The following ABI3BP variants were observed in gnomAD, a reference collection of about 807,000 sequenced individuals.
The protein encoded by ABI3BP is target of Nesh-SH3.
In ABI3BP, 216 loss-of-function variants were observed where a neutral mutation model predicts 268.6. The ratio of observed to expected loss-of-function variants is 0.80; its 90% CI spans 0.72 to 0.90. The LOEUF (loss-of-function observed/expected upper bound fraction) is 0.90, where lower values mean the gene tolerates loss of function less well. Among genes scored for constraint, ABI3BP ranks in the 40% least tolerant of loss-of-function variants. ABI3BP has a pLI of 0.00. For missense variants in ABI3BP, 2,090 were observed against 2,182.4 expected, an observed-to-expected ratio of 0.96 and a Z score of 0.84; for synonymous variants, 730 against 730.0, an observed-to-expected ratio of 1.00 and a Z score of 0.00.
chr3:100,990,568 A>C lies in ABI3BP; in HGVS notation c.79+2738T>G, dbSNP rs988825625. ...TTCTTATAAATAACTATATATGGTT[A>C]TATATATATAATTTTGTATATATAA... On this transcript the variant is annotated intron_variant, in intron 1 of 67. Transcript: ENST00000471714. Among the ~76,000 whole-genome samples, 3 of 148,520 alleles carry C rather than the reference A, an allele frequency of 2.0e-5. No individual in the cohort carries two copies. The Admixed American group carries it at 2.0e-4, about 10-fold the overall frequency.
Position 100,789,533 on chromosome 3 carries a change from C to T in ABI3BP, c.4025-17G>A. On this transcript the variant is annotated splice_polypyrimidine_tract_variant and intron_variant, in intron 55 of 67. Transcript: ENST00000471714. ...TGTGTGGCGCTGAAACAGAGGAACA[C>T]TTTATATTTAATAACCAACAGACCA... 2 of 1,577,246 alleles carry T rather than the reference C, an allele frequency of 1.3e-6. No individual in the cohort carries two copies. Among genetic ancestry groups the T allele is most frequent in the Non-Finnish European group, 1.7e-6 (2 of 1,159,850 alleles).
chr3:100,825,258 T>A (rs2098354246), intron 35 of ABI3BP, among the ~76,000 whole-genome samples: 1 of 151,956 alleles, frequency 6.6e-6, no homozygotes, highest in African/African-American at 2.4e-5. Flanking sequence ...GAAGTTAGAG[T>A]CACATTAAGG....
chr3:100,913,906 C>G (rs1490904852), intron 2 of ABI3BP, among the ~76,000 whole-genome samples: 1 of 152,150 alleles, frequency 6.6e-6, no homozygotes, highest in Non-Finnish European at 1.5e-5. Context: ...TACCTCTAAA[C>G]ATGGAAACAT....
At chr3:100,871,974 C>T (rs1430616663) in intron 9 of ABI3BP, among the ~76,000 whole-genome samples, 4 of 152,142 alleles carry the variant, frequency 2.6e-5, no homozygotes, top group South Asian at 2.1e-4. Context: ...GTAGTTAGGA[C>T]TACAGGCATG....
At chr3:100,856,539 A>G (rs73864016) in intron 14 of ABI3BP, among the ~76,000 whole-genome samples, 3,600 of 152,352 alleles carry the variant, frequency 0.024, 142 homozygotes, top group African/African-American at 0.082. Context: ...AAGTAACAGT[A>G]AAGTTGGAGC....
chr3:100,807,262 T>C (rs1431174032), intron 50 of ABI3BP, among the ~76,000 whole-genome samples: 1 of 151,970 alleles, frequency 6.6e-6, no homozygotes, highest in Non-Finnish European at 1.5e-5. Context: ...TCTTAAAACT[T>C]TGATGTTTTT....
intron 4 of ABI3BP, among the ~76,000 whole-genome samples, chr3:100,896,710 A>T (rs1024751402): frequency 5.9e-5 from 9 of 152,076 alleles, no homozygotes; most frequent in African/African-American, 1.9e-4. Flanking sequence ...CAGCATTAGT[A>T]CCCCAGACCA....
chr3:100,935,963 C>T (rs1204005955), intron 1 of ABI3BP, among the ~76,000 whole-genome samples: 2 of 151,938 alleles, frequency 1.3e-5, no homozygotes, highest in Non-Finnish European at 2.9e-5. Context: ...CTTGAGTACC[C>T]TTTATTTCTT....
intron 1 of ABI3BP, among the ~76,000 whole-genome samples, chr3:100,962,270 C>G (rs891090632): frequency 2.6e-5 from 4 of 152,182 alleles, no homozygotes; most frequent in African/African-American, 9.7e-5. Context: ...TACGTCAGCA[C>G]CCATCCCTCT....
intron 46 of ABI3BP, among the ~76,000 whole-genome samples, chr3:100,812,247 G>C (rs2097880449): frequency 6.6e-6 from 1 of 152,232 alleles, no homozygotes; most frequent in Non-Finnish European, 1.5e-5. Flanking sequence ...TTTTCGTTTC[G>C]AGTGAGAATA....
chr3:100,778,863 T>C (rs2096787718), intron 58 of ABI3BP, among the ~76,000 whole-genome samples: 1 of 152,214 alleles, frequency 6.6e-6, no homozygotes, highest in South Asian at 2.1e-4. Flanking sequence ...CATCCTCAGA[T>C]TTTAGTATCT....
At chr3:100,930,461 A>G (rs141966095) in intron 1 of ABI3BP, among the ~76,000 whole-genome samples, 1 of 152,000 alleles carries the variant, frequency 6.6e-6, no homozygotes, top group Non-Finnish European at 1.5e-5. Context: ...AATATTTCAA[A>G]GAGTGTTAAG....
intron 62 of ABI3BP, 149 bp downstream of exon 62, chr3:100,770,594 A>T: frequency 1.8e-6 from 1 of 545,970 alleles, no homozygotes; most frequent in Non-Finnish European, 2.9e-6. Flanking sequence ...CATTGTTGAC[A>T]ATAATGTGCC....
intron 20 of ABI3BP, chr3:100,844,361 T>TGGTA (rs2098743566): frequency 1.0e-6 from 1 of 985,274 alleles, no homozygotes; most frequent in Non-Finnish European, 1.2e-6. Context: ...AGTTAAGACA[T>TGGTA]GGTAGGTGGC....
chr3:100,885,202 T>C (rs906502091), intron 6 of ABI3BP, among the ~76,000 whole-genome samples: 2 of 152,096 alleles, frequency 1.3e-5, no homozygotes, highest in Non-Finnish European at 2.9e-5. Context: ...GCAATGTACA[T>C]AAATCATGTA....
At chr3:100,954,971 T>G (rs936440332) in intron 1 of ABI3BP, among the ~76,000 whole-genome samples, 1 of 140,000 alleles carries the variant, frequency 7.1e-6, no homozygotes, top group Non-Finnish European at 1.5e-5. Context: ...GTTTTAAATT[T>G]TGTCTTTTTT....
At chr3:100,838,513 G>T in intron 24 of ABI3BP, 49 bp from the exon 25 acceptor site, 1 of 1,413,266 alleles carries the variant, frequency 7.1e-7, no homozygotes, top group Non-Finnish European at 9.7e-7. Flanking sequence ...GGCTGTGACT[G>T]TCAAAATTAA....
chr3:100,909,609 G>A (rs1200655592), intron 2 of ABI3BP, among the ~76,000 whole-genome samples: 1 of 152,134 alleles, frequency 6.6e-6, no homozygotes, highest in Non-Finnish European at 1.5e-5. Flanking sequence ...GTGGGCGAAG[G>A]ACATGAACAG....
Position 100,834,691 on chromosome 3 carries a change from G to C in ABI3BP, c.2274C>G (p.Thr758=). 6.5e-7 allele frequency: 1 copy of C among 1,535,422 alleles called. No homozygotes were observed. Among genetic ancestry groups the C allele is most frequent in the Non-Finnish European group, 8.7e-7 (1 of 1,146,344 alleles). ...GAACCACATATTATTTACCTAGTTT[G>C]GTCTGCAGTGTCTCTGGGCGTGGCG... ...KTTPRPETLQ[T]KLDFGPITPG... Residue 758 remains threonine (T), a synonymous_variant, in exon 29 of 68, where the codon ACC becomes ACG. Transcript: ENST00000471714.
Sources: allele counts gnomAD v4.1 joint callset (sites outside exome capture counted in the v4.1 genomes callset), GRCh38; gene constraint gnomAD v4.1.1; transcripts MANE v1.5; gene names NCBI Gene and HGNC (gene_info 2026-07-23, HGNC 2026-07-21).